NRDC: variants seen among roughly 807,000 people sequenced by gnomAD.
The protein encoded by NRDC is nardilysin convertase, also known as nardilysin.
NRDC carries 54 observed loss-of-function variants against 147.1 expected under a neutral mutation model. That is an observed-to-expected ratio of 0.37 (90% CI 0.29 to 0.46). The LOEUF (loss-of-function observed/expected upper bound fraction) is 0.46. NRDC is among the 20% of genes least tolerant of loss of function. NRDC has a pLI of 1.00. For missense variants in NRDC, 1,082 were observed against 1,370.6 expected, an observed-to-expected ratio of 0.79 and a Z score of 3.33; for synonymous variants, 440 against 482.1, an observed-to-expected ratio of 0.91 and a Z score of 1.14.
intron 1 of NRDC, among the ~76,000 whole-genome samples, chr1:51,876,183 C>A (rs895120469): frequency 6.6e-6 from 1 of 152,082 alleles, no homozygotes; most frequent in Non-Finnish European, 1.5e-5. Flanking sequence ...AACCCTGAAA[C>A]CATTATTGAA....
intron 28 of NRDC, 91 bp downstream of exon 28, chr1:51,790,809 A>T: frequency 8.9e-7 from 1 of 1,125,270 alleles, no homozygotes; most frequent in Non-Finnish European, 1.3e-6. Context: ...GGGGCTGCAA[A>T]GCTCAAAAAC....
intron 1 of NRDC, among the ~76,000 whole-genome samples, chr1:51,845,496 A>G (rs1681510354): frequency 1.3e-5 from 2 of 152,136 alleles, no homozygotes. Context: ...AGGAAGCTGA[A>G]GCAGGAGAAT....
At chr1:51,809,424 G>A (rs1289777197) in intron 16 of NRDC, 23 bp from the exon 17 acceptor site, 1 of 1,463,878 alleles carries the variant, frequency 6.8e-7, no homozygotes, top group Non-Finnish European at 9.6e-7. Context: ...AAAATAAACT[G>A]ACCCAATAAA....
chr1:51,865,067 T>C (rs537995199), intron 1 of NRDC, among the ~76,000 whole-genome samples: 2 of 152,084 alleles, frequency 1.3e-5, no homozygotes, highest in East Asian at 1.9e-4. Context: ...TTTGACTTTA[T>C]AAACAAGGAG....
At chr1:51,864,172 T>G (rs1477142595) in intron 1 of NRDC, among the ~76,000 whole-genome samples, 1 of 152,188 alleles carries the variant, frequency 6.6e-6, no homozygotes, top group Non-Finnish European at 1.5e-5. Flanking sequence ...AAACCCTAAG[T>G]TGAACCAACA....
intron 19 of NRDC, 90 bp downstream of exon 19, chr1:51,805,420 A>T (rs1679417399): frequency 9.9e-7 from 1 of 1,007,374 alleles, no homozygotes; most frequent in Admixed American, 2.6e-5. Context: ...AAATATGGAT[A>T]GAGAAAATGA....
At chr1:51,845,174 C>T (rs768143907) in intron 1 of NRDC, among the ~76,000 whole-genome samples, 1 of 152,146 alleles carries the variant, frequency 6.6e-6, no homozygotes, top group South Asian at 2.1e-4. Context: ...TTGTTGTTTC[C>T]TAAACACTGC....
chr1:51,821,651 A>C (rs945004280), intron 7 of NRDC, 96 bp from the exon 8 acceptor site: 2 of 864,360 alleles, frequency 2.3e-6, no homozygotes, highest in Non-Finnish European at 3.8e-6. Flanking sequence ...TAGCTAAAAA[A>C]CAAAGGGATA....
chr1:51,792,176 C>T (rs779907494), intron 25 of NRDC, 78 bp from the exon 26 acceptor site: 13 of 1,576,740 alleles, frequency 8.2e-6, no homozygotes, highest in Admixed American at 5.0e-5. Context: ...GAGTGTTTCA[C>T]ATACCTCCCA....
chr1:51,839,164 T>C (rs1043977328), intron 2 of NRDC, among the ~76,000 whole-genome samples: 8 of 149,696 alleles, frequency 5.3e-5, no homozygotes, highest in African/African-American at 1.7e-4. Context: ...CTTTTTCTTT[T>C]TTTTTTTTTT....
In NRDC at chr1:51,798,393, G is replaced by T. The variant is rs1679031993; in HGVS notation, c.2460C>A (p.Ile820=). The T allele has an allele frequency of 6.2e-7, 1 of 1,613,628 alleles. No individual in the cohort carries two copies. The highest frequency in any genetic ancestry group is 1.3e-5 in the African/African-American group (1 of 74,836). The change falls in exon 22 of 31, where the codon ATC becomes ATA. Residue 820 remains isoleucine (I), a synonymous_variant. Coordinates refer to ENST00000352171, the MANE Select transcript of NRDC (RefSeq NM_001101662.2). ...TCATAGACCAACGGGCATATTCCAA[G>T]ATTAAAAGCCGTACATCTCTGTACA... is the stretch of plus-strand genomic sequence containing the variant. The part of the protein sequence containing the change: ...ETLAKDVRLL[I]LEYARWSMID...
intron 1 of NRDC, among the ~76,000 whole-genome samples, chr1:51,855,544 CA>C (rs2124033958): frequency 1.3e-5 from 2 of 150,960 alleles, no homozygotes; most frequent in Non-Finnish European, 3.0e-5. Flanking sequence ...TTTTATAAAA[CA>C]ATATCATAAA....
chr1:51,832,770 T>A (rs1479917541), intron 4 of NRDC, among the ~76,000 whole-genome samples: 1 of 152,142 alleles, frequency 6.6e-6, no homozygotes, highest in Non-Finnish European at 1.5e-5. Context: ...TAAAAATATA[T>A]TTGCAAATAT....
intron 1 of NRDC, among the ~76,000 whole-genome samples, chr1:51,845,867 A>G (rs1681535877): frequency 6.6e-6 from 1 of 152,170 alleles, no homozygotes; most frequent in Non-Finnish European, 1.5e-5. Context: ...GAATAAACAA[A>G]AGAATGTTAA....
At chr1:51,868,134 T>C (rs769362382) in intron 1 of NRDC, among the ~76,000 whole-genome samples, 21 of 152,058 alleles carry the variant, frequency 1.4e-4, no homozygotes, top group Non-Finnish European at 4.4e-5. Flanking sequence ...AGAGAAGGTA[T>C]GCAAAGACTC....
At chr1:51,857,291 T>C (rs925187971) in intron 1 of NRDC, among the ~76,000 whole-genome samples, 1 of 152,226 alleles carries the variant, frequency 6.6e-6, no homozygotes, top group African/African-American at 2.4e-5. Context: ...ATGCCCGAAC[T>C]GTAACAAATC....
chr1:51,839,165 T>C (rs905024182), intron 2 of NRDC, among the ~76,000 whole-genome samples: 3 of 149,392 alleles, frequency 2.0e-5, no homozygotes, highest in African/African-American at 7.4e-5. Flanking sequence ...TTTTTCTTTT[T>C]TTTTTTTTTT....
intron 22 of NRDC, among the ~76,000 whole-genome samples, chr1:51,795,962 C>G (rs1678882959): frequency 6.6e-6 from 1 of 152,038 alleles, no homozygotes; most frequent in South Asian, 2.1e-4. Flanking sequence ...CTCACTGCAG[C>G]CTCCACTTCC....
intron 1 of NRDC, among the ~76,000 whole-genome samples, chr1:51,852,012 G>A (rs572698031): frequency 6.6e-5 from 10 of 152,168 alleles, no homozygotes; most frequent in Non-Finnish European, 1.5e-5. Flanking sequence ...CATCTGTGAG[G>A]GGGGCAGCCT....
Sources: gnomAD v4.1 joint callset for allele counts (sites outside exome capture counted in the v4.1 genomes callset) on GRCh38, gnomAD v4.1.1 for gene constraint, MANE v1.5 for transcripts, NCBI Gene and HGNC (gene_info 2026-07-23, HGNC 2026-07-21) for gene names.